Variants in CIMIP6 observed in about 807,000 individuals in gnomAD.
The protein encoded by CIMIP6 is ciliary microtubule inner protein 6.
At chr2:54,336,012 C>A in the CIMIP6 span, among the ~76,000 whole-genome samples, 1 of 152,276 alleles carries the variant, frequency 6.6e-6, no homozygotes, top group East Asian at 1.9e-4. Context: ...ATCTCACAAT[C>A]CTTAATCACA....
the CIMIP6 span, among the ~76,000 whole-genome samples, chr2:54,357,774 C>T: frequency 6.7e-6 from 1 of 149,410 alleles, no homozygotes; most frequent in Admixed American, 6.7e-5. Context: ...TTAGTAGAGA[C>T]GGGGTTTTCA....
chr2:54,337,317 T>A, the CIMIP6 span, among the ~76,000 whole-genome samples: 1 of 152,214 alleles, frequency 6.6e-6, no homozygotes, highest in South Asian at 2.1e-4. Context: ...TGTTCTTTAA[T>A]TTCATGAGCT....
the CIMIP6 span, among the ~76,000 whole-genome samples, chr2:54,378,763 C>T: frequency 6.6e-6 from 1 of 152,190 alleles, no homozygotes; most frequent in African/African-American, 2.4e-5. Flanking sequence ...AATCAAACTC[C>T]CTTTTCAAGT....
At chr2:54,332,359 G>C in the CIMIP6 span, among the ~76,000 whole-genome samples, 1 of 152,190 alleles carries the variant, frequency 6.6e-6, no homozygotes, top group Non-Finnish European at 1.5e-5. Flanking sequence ...TAGAGTGTAA[G>C]CTCTATGAGG....
chr2:54,334,663 C>T, the CIMIP6 span, among the ~76,000 whole-genome samples: 1 of 152,212 alleles, frequency 6.6e-6, no homozygotes, highest in South Asian at 2.1e-4. Flanking sequence ...AAAATGGCCT[C>T]CTAAATTTTA....
At chr2:54,348,232 C>T in the CIMIP6 span, among the ~76,000 whole-genome samples, 2 of 152,148 alleles carry the variant, frequency 1.3e-5, no homozygotes, top group Non-Finnish European at 2.9e-5. Flanking sequence ...AGAATAATTC[C>T]TACTTTGCAG....
At chr2:54,371,758 G>A in the CIMIP6 span, among the ~76,000 whole-genome samples, 1 of 152,230 alleles carries the variant, frequency 6.6e-6, no homozygotes, top group East Asian at 1.9e-4. Flanking sequence ...CCCACAATGT[G>A]GGTGGGCACA....
chr2:54,341,764 T>C, the CIMIP6 span, among the ~76,000 whole-genome samples: 3 of 152,248 alleles, frequency 2.0e-5, no homozygotes, highest in African/African-American at 4.8e-5. Context: ...CTCATAGAAT[T>C]GTGATGAGCT....
At chr2:54,382,669 A>C in the CIMIP6 span, among the ~76,000 whole-genome samples, 1 of 152,116 alleles carries the variant, frequency 6.6e-6, no homozygotes, top group Non-Finnish European at 1.5e-5. Context: ...ATAAACACAG[A>C]TGTTTTCTAC....
the CIMIP6 span, among the ~76,000 whole-genome samples, chr2:54,359,994 C>G: frequency 6.6e-6 from 1 of 152,196 alleles, no homozygotes; most frequent in Non-Finnish European, 1.5e-5. Flanking sequence ...CCTTCCTGTT[C>G]ATTTTCTGAT....
the CIMIP6 span, chr2:54,381,887 C>T: frequency 1.3e-6 from 2 of 1,550,364 alleles, no homozygotes; most frequent in Non-Finnish European, 1.7e-6. Context: ...AACAGTGGTC[C>T]TGTGCCACAG....
At chr2:54,334,596 T>C in the CIMIP6 span, among the ~76,000 whole-genome samples, 1 of 152,236 alleles carries the variant, frequency 6.6e-6, no homozygotes, top group African/African-American at 2.4e-5. Context: ...TGGTATATTA[T>C]AATGAGTAAT....
At chr2:54,333,721 T>G in the CIMIP6 span, among the ~76,000 whole-genome samples, 2 of 151,996 alleles carry the variant, frequency 1.3e-5, no homozygotes, top group South Asian at 2.1e-4. Flanking sequence ...AAACCCTGTC[T>G]CTACTAAAAA....
chr2:54,338,028 T>G, the CIMIP6 span, among the ~76,000 whole-genome samples: 1 of 152,124 alleles, frequency 6.6e-6, no homozygotes, highest in Non-Finnish European at 1.5e-5. Context: ...TCCCAGCTAC[T>G]TGAGAGGCTG....
At chr2:54,372,511 CAG>C in the CIMIP6 span, among the ~76,000 whole-genome samples, 4 of 152,174 alleles carry the variant, frequency 2.6e-5, no homozygotes, top group Non-Finnish European at 5.9e-5. Context: ...CTTAGACCAA[CAG>C]AGCAAGGCAG....
chr2:54,367,775 C>T, the CIMIP6 span, among the ~76,000 whole-genome samples: 503 of 152,102 alleles, frequency 3.3e-3, 1 homozygote, highest in Non-Finnish European at 4.7e-3. Context: ...AGGCAGAGTC[C>T]GGTGCTATTC....
the CIMIP6 span, chr2:54,360,511 TC>T: frequency 1.9e-6 from 3 of 1,556,958 alleles, no homozygotes; most frequent in South Asian, 3.6e-5. Flanking sequence ...TAGGAGATGC[TC>T]TTTTCACTAG....
the CIMIP6 span, among the ~76,000 whole-genome samples, chr2:54,358,697 A>C: frequency 6.6e-6 from 1 of 152,168 alleles, no homozygotes; most frequent in Non-Finnish European, 1.5e-5. Context: ...ACCATGCCTG[A>C]CCATATTGTT....
chr2:54,348,267 A>G, the CIMIP6 span, among the ~76,000 whole-genome samples: 1 of 152,204 alleles, frequency 6.6e-6, no homozygotes, highest in Non-Finnish European at 1.5e-5. Context: ...ACAACACGTA[A>G]AGTGCCCAAC....
Sources: gnomAD v4.1 joint callset for allele counts (sites outside exome capture counted in the v4.1 genomes callset) on GRCh38, gnomAD v4.1.1 for gene constraint, MANE v1.5 for transcripts, NCBI Gene and HGNC (gene_info 2026-07-23, HGNC 2026-07-21) for gene names.